FMN2: variants seen among roughly 807,000 people sequenced by gnomAD.
The protein encoded by FMN2 is formin 2.
FMN2 carries 51 observed loss-of-function variants against 142.3 expected under a neutral mutation model. That is an observed-to-expected ratio of 0.36 (90% CI 0.29 to 0.45). The LOEUF is 0.45. FMN2 is among the 20% of genes least tolerant of loss of function. The probability of loss-of-function intolerance (pLI) is 1.00; values close to 1 mark genes in which losing one functional copy is unlikely to be tolerated. For synonymous variants in FMN2, 882 were observed against 869.8 expected, an observed-to-expected ratio of 1.01 and a Z score of -0.25; for missense variants, 1,936 against 2,122.8, an observed-to-expected ratio of 0.91 and a Z score of 1.73.
chr1:240,351,236 G>T (rs541166993), intron 13 of FMN2, among the ~76,000 whole-genome samples: 1 of 152,156 alleles, frequency 6.6e-6, no homozygotes, highest in East Asian at 1.9e-4. Context: ...ATGTCATTCC[G>T]CAGGGGGTGC....
intron 15 of FMN2, among the ~76,000 whole-genome samples, chr1:240,427,194 G>GTT (rs148613479): frequency 7.4e-6 from 1 of 135,828 alleles, no homozygotes; most frequent in African/African-American, 2.7e-5. Flanking sequence ...TATATATATG[G>GTT]TTTTTTTTTT....
At chr1:240,110,913 C>T (rs545541552) in intron 1 of FMN2, among the ~76,000 whole-genome samples, 1 of 151,494 alleles carries the variant, frequency 6.6e-6, no homozygotes, top group Non-Finnish European at 1.5e-5. Flanking sequence ...AAACCCAAAA[C>T]TTGGTGGATG....
At chr1:240,300,839 G>A (rs906413140) in intron 8 of FMN2, among the ~76,000 whole-genome samples, 4 of 147,964 alleles carry the variant, frequency 2.7e-5, no homozygotes, top group South Asian at 2.1e-4. Flanking sequence ...TTGTCTTGAC[G>A]TTTTTTTAAA....
intron 6 of FMN2, among the ~76,000 whole-genome samples, chr1:240,223,935 C>G (rs768187594): frequency 6.6e-6 from 1 of 152,102 alleles, no homozygotes; most frequent in Non-Finnish European, 1.5e-5. Context: ...AACACCAGCT[C>G]CTGGATTCGT....
chr1:240,352,067 G>A (rs1312931228), intron 13 of FMN2, among the ~76,000 whole-genome samples: 1 of 152,182 alleles, frequency 6.6e-6, no homozygotes, highest in Non-Finnish European at 1.5e-5. Context: ...AATCAGTCAA[G>A]GTGAGAGATT....
At chr1:240,252,050 A>G (rs575706325) in intron 6 of FMN2, among the ~76,000 whole-genome samples, 151 of 152,288 alleles carry the variant, frequency 9.9e-4, no homozygotes, top group Non-Finnish European at 1.9e-3. Flanking sequence ...CTGGGATTAC[A>G]GACGCCCGCC....
At chr1:240,329,606 C>T in intron 10 of FMN2, 138 bp downstream of exon 10, 2 of 1,160,026 alleles carry the variant, frequency 1.7e-6, no homozygotes, top group South Asian at 1.6e-5. Flanking sequence ...CAGAAGGGAA[C>T]ATTTTATGAT....
intron 8 of FMN2, among the ~76,000 whole-genome samples, chr1:240,315,509 C>G (rs1169708960): frequency 6.6e-6 from 1 of 152,146 alleles, no homozygotes; most frequent in Non-Finnish European, 1.5e-5. Flanking sequence ...TATTTAGGAA[C>G]TTGAGTGATT....
chr1:240,440,100 G>T (rs10926257), intron 16 of FMN2, among the ~76,000 whole-genome samples: 20,623 of 152,138 alleles, frequency 0.14, 1,954 homozygotes, highest in East Asian at 0.31. Context: ...TGGAGTAGCT[G>T]GTCCGATGCA....
chr1:240,226,987 G>A (rs1667331385), intron 6 of FMN2, among the ~76,000 whole-genome samples: 2 of 152,136 alleles, frequency 1.3e-5, no homozygotes, highest in Non-Finnish European at 2.9e-5. Flanking sequence ...TGTGCTAGAA[G>A]TTCTAGTCAA....
At chr1:240,100,594 A>G (rs1661378916) in intron 1 of FMN2, among the ~76,000 whole-genome samples, 1 of 152,236 alleles carries the variant, frequency 6.6e-6, no homozygotes, top group African/African-American at 2.4e-5. Flanking sequence ...ATAAGATGCT[A>G]ACCACACTAG....
chr1:240,322,726 T>C (rs1025757954), intron 8 of FMN2, among the ~76,000 whole-genome samples: 4 of 152,146 alleles, frequency 2.6e-5, no homozygotes, highest in African/African-American at 4.8e-5. Context: ...AAGGGCACTG[T>C]GGGGGATGGA....
chr1:240,204,843 C>T (rs1666270552), intron 4 of FMN2, among the ~76,000 whole-genome samples: 1 of 152,142 alleles, frequency 6.6e-6, no homozygotes, highest in Non-Finnish European at 1.5e-5. Context: ...CCAAAAATGC[C>T]TCATTTGTAG....
chr1:240,359,901 G>A (rs1200708239), intron 14 of FMN2, among the ~76,000 whole-genome samples: 1 of 152,056 alleles, frequency 6.6e-6, no homozygotes, highest in Non-Finnish European at 1.5e-5. Flanking sequence ...GTTTTGCTTT[G>A]CTTCTTGCCG....
At chr1:240,304,967 C>G (rs372831747) in intron 8 of FMN2, among the ~76,000 whole-genome samples, 1 of 152,330 alleles carries the variant, frequency 6.6e-6, no homozygotes, top group East Asian at 1.9e-4. Flanking sequence ...ACAGATTCTG[C>G]TAGTACAATT....
intron 7 of FMN2, among the ~76,000 whole-genome samples, chr1:240,282,626 G>A (rs919240838): frequency 2.0e-5 from 3 of 152,204 alleles, no homozygotes; most frequent in Admixed American, 6.5e-5. Context: ...CTGGCAGCAC[G>A]TCTTCTGGCA....
rs549743829 is a variant in FMN2 at position 240,415,208 on chromosome 1, A to G, written c.4910+22646A>G. Reference sequence around the variant, plus strand: ...ACACCACGGAATACTATGCAGCCATAAAAAGGATGATTTCATGTCCTTTGC... The same window carrying G: ...ACACCACGGAATACTATGCAGCCATGAAAAGGATGATTTCATGTCCTTTGC... On this transcript the variant is annotated intron_variant, in intron 15 of 17. Coordinates refer to ENST00000319653, the MANE Select transcript of FMN2 (RefSeq NM_020066.5). 6.6e-5 allele frequency among the ~76,000 whole-genome samples: 10 copies of G among 152,326 alleles called. No individual in the cohort carries two copies. The East Asian group carries it at 1.9e-3, about 29-fold the overall frequency.
chr1:240,405,374 T>C (rs1332003774), intron 15 of FMN2, among the ~76,000 whole-genome samples: 1 of 152,184 alleles, frequency 6.6e-6, no homozygotes, highest in Non-Finnish European at 1.5e-5. Flanking sequence ...ATCCCAGCAC[T>C]TTGGGAGGCC....
chr1:240,464,739 C>T (rs1442146217), intron 16 of FMN2, among the ~76,000 whole-genome samples: 1 of 152,156 alleles, frequency 6.6e-6, no homozygotes, highest in African/African-American at 2.4e-5. Context: ...CCAGACCCCA[C>T]AGCATGATGT....
Sources: gnomAD v4.1 joint callset for allele counts (sites outside exome capture counted in the v4.1 genomes callset) on GRCh38, gnomAD v4.1.1 for gene constraint, MANE v1.5 for transcripts, NCBI Gene and HGNC (gene_info 2026-07-23, HGNC 2026-07-21) for gene names.